Variants in SLC28A2 observed in about 807,000 individuals in gnomAD.
SLC28A2 encodes the protein solute carrier family 28 member 2, also known as sodium/nucleoside cotransporter 2.
SLC28A2 carries 69 observed loss-of-function variants against 72.9 expected under a neutral mutation model. The ratio of observed to expected loss-of-function variants is 0.95; its 90% CI spans 0.78 to 1.16. The LOEUF (loss-of-function observed/expected upper bound fraction) is 1.16, where lower values mean the gene tolerates loss of function less well. Ranked by LOEUF, SLC28A2 falls within the 50% of genes most tolerant of loss-of-function variation. The pLI is 0.00. For missense variants in SLC28A2, 745 were observed against 791.1 expected, an observed-to-expected ratio of 0.94 and a Z score of 0.70; for synonymous variants, 296 against 294.1, an observed-to-expected ratio of 1.01 and a Z score of -0.07.
intron 10 of SLC28A2, 93 bp from the exon 11 acceptor site, chr15:45,267,362 A>T (rs1567060418): frequency 7.4e-7 from 1 of 1,352,948 alleles, no homozygotes; most frequent in East Asian, 2.3e-5. Flanking sequence ...ATGGATGTGT[A>T]TCTAGTGGGT....
chr15:45,275,029 A>G (rs577650436), intron 17 of SLC28A2, among the ~76,000 whole-genome samples: 1 of 152,198 alleles, frequency 6.6e-6, no homozygotes, highest in South Asian at 2.1e-4. Flanking sequence ...ATTAATTTAT[A>G]CTAATTAAGT....
At chr15:45,265,043 T>C (rs775557795) in intron 7 of SLC28A2, 46 bp from the exon 8 acceptor site, 24 of 1,420,700 alleles carry the variant, frequency 1.7e-5, no homozygotes, top group Middle Eastern at 1.8e-4. Flanking sequence ...GTGTGTCCTT[T>C]TGGGTTTCAT....
intron 6 of SLC28A2, 22 bp downstream of exon 6, chr15:45,264,044 T>C (rs541571344): frequency 1.3e-6 from 2 of 1,598,070 alleles, no homozygotes; most frequent in Non-Finnish European, 1.7e-6. Flanking sequence ...GTATTTGGGT[T>C]GGGTATAGCA....
chr15:45,272,090 G>C (rs1226360511), intron 15 of SLC28A2: 2 of 534,318 alleles, frequency 3.7e-6, no homozygotes, highest in African/African-American at 3.8e-5. Flanking sequence ...TTGATCTGAG[G>C]AAAGTCTAAG....
chr15:45,254,088 T>G (rs547308175), intron 3 of SLC28A2, among the ~76,000 whole-genome samples: 3 of 152,336 alleles, frequency 2.0e-5, no homozygotes, highest in Admixed American at 6.5e-5. Context: ...AGAAAAATCT[T>G]TGAATTTGTT....
At chr15:45,265,943 G>A in intron 9 of SLC28A2, 138 bp from the exon 10 acceptor site, 1 of 687,106 alleles carries the variant, frequency 1.5e-6, no homozygotes, top group Non-Finnish European at 2.5e-6. Context: ...TTCTAAGTTG[G>A]TTTTTGGCCC....
chr15:45,255,209 T>G (rs1899939068), intron 3 of SLC28A2: 1 of 151,440 alleles, frequency 6.6e-6, no homozygotes, highest in African/African-American at 2.4e-5. Flanking sequence ...TGAGCCATGA[T>G]CGTGCCACTG....
At chr15:45,256,563 C>G (rs1446029190) in intron 3 of SLC28A2, among the ~76,000 whole-genome samples, 2 of 151,700 alleles carry the variant, frequency 1.3e-5, no homozygotes, top group Non-Finnish European at 2.9e-5. Context: ...GCTACCACAC[C>G]CAGCTAATTT....
intron 13 of SLC28A2, among the ~76,000 whole-genome samples, chr15:45,268,730 C>T (rs549100039): frequency 5.3e-5 from 8 of 152,110 alleles, no homozygotes; most frequent in East Asian, 3.9e-4. Flanking sequence ...ATGTTTATTG[C>T]GGCACTATTC....
intron 3 of SLC28A2, among the ~76,000 whole-genome samples, chr15:45,254,637 CTGT>C (rs921931430): frequency 3.9e-5 from 6 of 152,132 alleles, no homozygotes; most frequent in African/African-American, 1.4e-4. Context: ...GAATGTATCC[CTGT>C]TGTTAAGTAA....
intron 15 of SLC28A2, among the ~76,000 whole-genome samples, chr15:45,271,013 T>C (rs1036209427): frequency 3.9e-5 from 6 of 152,062 alleles, no homozygotes; most frequent in African/African-American, 9.7e-5. Context: ...ACACAAAGAA[T>C]TAAAACAAAT....
chr15:45,259,338 AT>A (rs975153153), intron 3 of SLC28A2, among the ~76,000 whole-genome samples: 3 of 152,060 alleles, frequency 2.0e-5, no homozygotes, highest in African/African-American at 7.2e-5. Context: ...TGTCAATTTT[AT>A]TTTAAATTTT....
chr15:45,275,517 T>C lies in SLC28A2; in HGVS notation c.*4T>C. 6.5e-7 allele frequency: 1 copy of C among 1,540,728 alleles called. No homozygotes were observed. The highest frequency in any genetic ancestry group is 1.7e-4 in the Middle Eastern group (1 of 5,920). On this transcript the variant is annotated 3_prime_UTR_variant, in exon 18 of 18. Coordinates refer to ENST00000347644, the MANE Select transcript of SLC28A2 (RefSeq NM_004212.4). ...CAACAATACCGTCTGTGCCTAAGGC[T>C]GCTTGATCTATTTCTATAACAGTTT...
intron 12 of SLC28A2, 66 bp downstream of exon 12, chr15:45,267,862 C>G (rs1293041091): frequency 1.1e-5 from 17 of 1,570,472 alleles, no homozygotes; most frequent in African/African-American, 1.4e-5. Context: ...ACTGTGGTGG[C>G]AGAGACTTCA....
intron 6 of SLC28A2, 116 bp downstream of exon 6, chr15:45,264,138 C>T (rs934368481): frequency 5.1e-6 from 5 of 989,666 alleles, no homozygotes; most frequent in African/African-American, 1.7e-5. Flanking sequence ...TTCATAACAA[C>T]CCCTAGAATT....
At chr15:45,271,402 A>G (rs1352300455) in intron 15 of SLC28A2, among the ~76,000 whole-genome samples, 1 of 152,138 alleles carries the variant, frequency 6.6e-6, no homozygotes, top group Non-Finnish European at 1.5e-5. Context: ...GTCTCTACGA[A>G]GAATTTGAAA....
At chr15:45,257,258 G>A (rs1442667784) in intron 3 of SLC28A2, among the ~76,000 whole-genome samples, 3 of 152,072 alleles carry the variant, frequency 2.0e-5, no homozygotes, top group Non-Finnish European at 1.5e-5. Flanking sequence ...CAACCTCACT[G>A]GCCCCAGTAC....
intron 10 of SLC28A2, 145 bp downstream of exon 10, chr15:45,266,306 C>T: frequency 1.5e-6 from 1 of 658,416 alleles, no homozygotes; most frequent in Non-Finnish European, 2.7e-6. Context: ...CTCAGCAGCT[C>T]AAAGAAGACT....
In SLC28A2 at chr15:45,262,125, A is replaced by G. The variant is rs1419069363; in HGVS notation, c.262+19A>G. 2.0e-6 allele frequency: 3 copies of G among 1,530,844 alleles called. No individual in the cohort carries two copies. The highest frequency in any genetic ancestry group is 2.7e-6 in the Non-Finnish European group (3 of 1,104,858). 94.8% of individuals were successfully genotyped at this position (1,530,844 alleles called of 1,614,324 possible). A position where few individuals can be genotyped will look rare whatever the true frequency, so the allele number is the denominator to read the frequency against. On this transcript the variant is annotated intron_variant, in intron 4 of 17. Coordinates refer to ENST00000347644, the MANE Select transcript of SLC28A2 (RefSeq NM_004212.4). ...TGTTTGGGTGAGATATTGAGAATTC[A>G]TGAAAGTGAGAAACACAGTTATTTT... is the stretch of plus-strand genomic sequence containing the variant.
Sources: gnomAD v4.1 joint callset for allele counts (sites outside exome capture counted in the v4.1 genomes callset) on GRCh38, gnomAD v4.1.1 for gene constraint, MANE v1.5 for transcripts, NCBI Gene and HGNC (gene_info 2026-07-23, HGNC 2026-07-21) for gene names.